ADAM32: variants seen among roughly 807,000 people sequenced by gnomAD.
ADAM32 encodes ADAM metallopeptidase domain 32.
In ADAM32, 89 loss-of-function variants were observed where a neutral mutation model predicts 114.9. That is an observed-to-expected ratio of 0.77 (90% CI 0.65 to 0.92). The LOEUF is 0.92. Among genes scored for constraint, ADAM32 ranks in the 40% least tolerant of loss-of-function variants. The pLI, the probability that ADAM32 is intolerant of heterozygous loss-of-function variation, is 0.00. For synonymous variants in ADAM32, 285 were observed against 307.5 expected (o/e 0.93, Z 0.77); for missense variants, 870 against 932.8 (o/e 0.93, Z 0.88).
chr8:39,258,590 G>A (rs1265843212), intron 19 of ADAM32, among the ~76,000 whole-genome samples: 1 of 152,000 alleles, frequency 6.6e-6, no homozygotes, highest in Non-Finnish European at 1.5e-5. Flanking sequence ...TGAGAAACTT[G>A]TCTATGTGGT....
intron 17 of ADAM32, among the ~76,000 whole-genome samples, chr8:39,251,278 T>C (rs558976975): frequency 9.2e-5 from 14 of 152,104 alleles, no homozygotes; most frequent in African/African-American, 3.4e-4. Context: ...TGTACTAATT[T>C]ACATTCCCAC....
At chr8:39,197,738 G>A (rs1052027196) in intron 11 of ADAM32, among the ~76,000 whole-genome samples, 3 of 152,066 alleles carry the variant, frequency 2.0e-5, no homozygotes, top group African/African-American at 7.2e-5. Flanking sequence ...CCTAACATGT[G>A]GACTATGCTG....
rs570367675 is a variant in ADAM32, at chr8:39,216,033, G to C, written c.1233+4709G>C. Among the ~76,000 whole-genome samples the C allele has an allele frequency of 6.6e-5, 10 of 152,008 alleles. No individual in the cohort carries two copies. In the South Asian group the frequency reaches 1.9e-3, roughly 28 times the overall value. On this transcript the variant is annotated intron_variant, in intron 12 of 24. Transcript: ENST00000379907. ...CCAGCTGTTATTGTATTGGGGTCTA[G>C]CTCTCTCTTTAGCTCTAATAATATT... is the stretch of plus-strand genomic sequence containing the variant.
chr8:39,124,180 C>G (rs184183325), intron 2 of ADAM32, among the ~76,000 whole-genome samples: 2 of 152,168 alleles, frequency 1.3e-5, no homozygotes, highest in African/African-American at 4.8e-5. Context: ...TCTCCCTCCC[C>G]CAGCTCTCTG....
intron 10 of ADAM32, among the ~76,000 whole-genome samples, chr8:39,176,175 C>G (rs1264007107): frequency 6.6e-6 from 1 of 151,860 alleles, no homozygotes; most frequent in Non-Finnish European, 1.5e-5. Context: ...TTTTGTGTGT[C>G]TCTATCTCCT....
intron 6 of ADAM32, chr8:39,157,711 G>T: frequency 9.5e-7 from 1 of 1,050,134 alleles, no homozygotes; most frequent in Non-Finnish European, 1.4e-6. Flanking sequence ...GAGGATGAGC[G>T]CTTGCCTCTT....
chr8:39,239,043 G>A (rs1334724185), intron 16 of ADAM32, among the ~76,000 whole-genome samples: 3 of 152,030 alleles, frequency 2.0e-5, no homozygotes, highest in Admixed American at 6.5e-5. Flanking sequence ...TAGAGATCTC[G>A]ACTTCCAAAT....
At chr8:39,179,134 G>A (rs529171506) in intron 10 of ADAM32, among the ~76,000 whole-genome samples, 2 of 152,114 alleles carry the variant, frequency 1.3e-5, no homozygotes, top group South Asian at 2.1e-4. Flanking sequence ...AGGCATAGTC[G>A]GCTGAACCAC....
intron 12 of ADAM32, among the ~76,000 whole-genome samples, chr8:39,215,756 GAT>G (rs1808513896): frequency 1.3e-5 from 2 of 151,894 alleles, no homozygotes; most frequent in South Asian, 4.2e-4. Flanking sequence ...GAAGATGCTT[GAT>G]ATTATTTAAT....
chr8:39,131,177 C>T (rs544618984), intron 2 of ADAM32, among the ~76,000 whole-genome samples: 8 of 152,100 alleles, frequency 5.3e-5, no homozygotes, highest in East Asian at 1.9e-4. Flanking sequence ...AGGATGGTCT[C>T]GATCTCCTGA....
At chr8:39,249,234 T>G (rs1811135360) in intron 17 of ADAM32, among the ~76,000 whole-genome samples, 1 of 152,136 alleles carries the variant, frequency 6.6e-6, no homozygotes, top group African/African-American at 2.4e-5. Context: ...TTAAATGCTT[T>G]TTCTGTATTT....
chr8:39,237,440 C>T (rs1236375633), intron 16 of ADAM32, among the ~76,000 whole-genome samples: 1 of 152,168 alleles, frequency 6.6e-6, no homozygotes, highest in Non-Finnish European at 1.5e-5. Context: ...CCTGAGAGCT[C>T]TGCTTGCTTT....
At chr8:39,269,121 T>G (rs1812550003) in intron 19 of ADAM32, among the ~76,000 whole-genome samples, 1 of 152,198 alleles carries the variant, frequency 6.6e-6, no homozygotes, top group South Asian at 2.1e-4. Context: ...TCTAAGCATT[T>G]TCTTTTTTTC....
At chr8:39,241,888 T>C (rs753459638) in intron 16 of ADAM32, among the ~76,000 whole-genome samples, 9 of 152,220 alleles carry the variant, frequency 5.9e-5, no homozygotes, top group Non-Finnish European at 1.0e-4. Context: ...GCAAGTGGGA[T>C]TTTCTTTTCT....
chr8:39,151,483 G>A lies in ADAM32; in HGVS notation c.460G>A (p.Ala154Thr). The stretch of plus-strand genomic sequence containing the variant: ...ATTAAAGAATGAAGACAATGATATT[G>A]CAATTTTTATTGACAGAAGCCTGAA... ...YKLKNEDNDI[A>T]IFIDRSLKEQ... Residue 154 changes from alanine (A) to threonine (T), a missense_variant, in exon 6 of 25, where the codon GCA becomes ACA. By Grantham distance (58) the Ala-to-Thr change is moderately conservative. Coordinates refer to ENST00000379907, the MANE Select transcript of ADAM32 (RefSeq NM_145004.7). 11 of 1,600,086 alleles carry A rather than the reference G, an allele frequency of 6.9e-6. No homozygotes were observed. Among genetic ancestry groups the A allele is most frequent in the Non-Finnish European group, 9.4e-6 (11 of 1,175,576 alleles).
intron 17 of ADAM32, among the ~76,000 whole-genome samples, chr8:39,249,630 G>A (rs375782615): frequency 6.6e-6 from 1 of 152,204 alleles, no homozygotes; most frequent in East Asian, 1.9e-4. Flanking sequence ...ACCCATCTCA[G>A]CAAACAATTA....
chr8:39,228,051 G>A (rs138231102), intron 14 of ADAM32, among the ~76,000 whole-genome samples: 4,128 of 152,244 alleles, frequency 0.027, 213 homozygotes, highest in African/African-American at 0.094. Context: ...GGGTAGACTC[G>A]CTGGATGGCT....
intron 5 of ADAM32, among the ~76,000 whole-genome samples, chr8:39,150,662 G>C (rs1044456064): frequency 4.6e-5 from 7 of 151,970 alleles, no homozygotes; most frequent in Non-Finnish European, 7.4e-5. Context: ...ACAAACAAAT[G>C]TTCTTCTTCA....
At chr8:39,133,162 C>G (rs1035338225) in intron 2 of ADAM32, among the ~76,000 whole-genome samples, 5 of 152,090 alleles carry the variant, frequency 3.3e-5, no homozygotes, top group African/African-American at 1.2e-4. Flanking sequence ...CATGATGTCC[C>G]TCATGAATGG....
Sources: allele counts gnomAD v4.1 joint callset (sites outside exome capture counted in the v4.1 genomes callset), GRCh38; gene constraint gnomAD v4.1.1; transcripts MANE v1.5; gene names NCBI Gene and HGNC (gene_info 2026-07-23, HGNC 2026-07-21).